FLNB: variants seen among roughly 807,000 people sequenced by gnomAD.
FLNB encodes filamin B.
FLNB carries 111 observed loss-of-function variants against 250.6 expected under a neutral mutation model. The ratio of observed to expected loss-of-function variants is 0.44; its 90% CI spans 0.38 to 0.52. The LOEUF is 0.52. Among genes scored for constraint, FLNB ranks in the 20% least tolerant of loss-of-function variants. The pLI, the probability that FLNB is intolerant of heterozygous loss-of-function variation, is 0.00. For synonymous variants in FLNB, 1,302 were observed against 1,372.1 expected, an observed-to-expected ratio of 0.95 and a Z score of 1.13; for missense variants, 2,869 against 3,447.8, an observed-to-expected ratio of 0.83 and a Z score of 4.20.
chr3:58,061,956 T>TG (rs955587765), intron 1 of FLNB, among the ~76,000 whole-genome samples: 5 of 151,470 alleles, frequency 3.3e-5, no homozygotes, highest in South Asian at 2.1e-4. Flanking sequence ...CTGGGCATGA[T>TG]GGGGGGCGCC....
chr3:58,079,767 C>T (rs1440186687), intron 3 of FLNB, among the ~76,000 whole-genome samples: 2 of 152,202 alleles, frequency 1.3e-5, no homozygotes, highest in Non-Finnish European at 2.9e-5. Flanking sequence ...CAGAAACTCC[C>T]TCTAACAGTT....
At chr3:58,150,316 C>A in intron 38 of FLNB, 89 bp downstream of exon 38, 2 of 1,462,976 alleles carry the variant, frequency 1.4e-6, no homozygotes, top group Non-Finnish European at 1.9e-6. Context: ...TAGGCATGGC[C>A]CAGAACACAG....
At chr3:58,109,443 G>C (rs1456771223) in intron 14 of FLNB, 121 bp downstream of exon 14, 3 of 1,591,624 alleles carry the variant, frequency 1.9e-6, no homozygotes, top group African/African-American at 2.7e-5. Context: ...GGTGGGCCTT[G>C]AATGATGGAG....
At chr3:58,081,881 G>A in intron 4 of FLNB, 105 bp downstream of exon 4, 2 of 1,283,646 alleles carry the variant, frequency 1.6e-6, no homozygotes, top group Non-Finnish European at 2.3e-6. Flanking sequence ...ATAGATAGGT[G>A]TAATCCTCAA....
At position 58,148,327 on chromosome 3, in the gene FLNB, G is replaced by A. The variant is rs1311562651; in HGVS notation, c.5850G>A (p.Glu1950=). Reference sequence around the variant, plus strand: ...TTAAGGCCCCATCTGGCCGAGACGAGCCCTGTCTCCTGAAGAGGCTGCCCA... The same window carrying A: ...TTAAGGCCCCATCTGGCCGAGACGAACCCTGTCTCCTGAAGAGGCTGCCCA... ...ASIKAPSGRD[E]PCLLKRLPNN... Residue 1950 remains glutamate, a synonymous_variant, in exon 35 of 46, where the codon GAG becomes GAA. Coordinates refer to ENST00000295956, the MANE Select transcript of FLNB (RefSeq NM_001457.4). 1.2e-6 allele frequency: 2 copies of A among 1,613,866 alleles called. No individual in the cohort carries two copies. Among genetic ancestry groups the A allele is most frequent in the Non-Finnish European group, 1.7e-6 (2 of 1,179,974 alleles).
In FLNB at chr3:58,094,920, T is replaced by C. The variant is rs757375169; in HGVS notation, c.872T>C (p.Val291Ala). ...TISAGQGDVM[V>A]FVEDPEGNKE... ...AGCGCCGGGCAAGGAGACGTGATGG[T>C]GTTTGTTGAGGACCCAGAAGGGAAC... is the stretch of plus-strand genomic sequence containing the variant. The change falls in exon 5 of 46, where the codon GTG becomes GCG. Residue 291 changes from valine (V) to alanine (A), a missense_variant. Coordinates refer to ENST00000295956, the MANE Select transcript of FLNB (RefSeq NM_001457.4). The C allele has an allele frequency of 9.9e-6, 16 of 1,614,010 alleles. 1 individual carries two copies. Among genetic ancestry groups the C allele is most frequent in the Middle Eastern group, 1.6e-4 (1 of 6,084 alleles).
chr3:58,023,846 A>G (rs2097118520), intron 1 of FLNB, among the ~76,000 whole-genome samples: 2 of 152,214 alleles, frequency 1.3e-5, no homozygotes, highest in South Asian at 4.1e-4. Context: ...TGGGACTGCC[A>G]GGGTCTCTTA....
intron 1 of FLNB, among the ~76,000 whole-genome samples, chr3:58,038,697 G>C (rs1291511000): frequency 2.0e-5 from 3 of 151,818 alleles, no homozygotes; most frequent in Non-Finnish European, 4.4e-5. Context: ...CAAAGCTCTG[G>C]GATTACAGGA....
At chr3:58,121,807 G>C (rs1291594543) in intron 20 of FLNB, among the ~76,000 whole-genome samples, 1 of 152,166 alleles carries the variant, frequency 6.6e-6, no homozygotes. Flanking sequence ...CAAACGTGGA[G>C]GCCTCTGCCC....
At chr3:58,044,007 C>G (rs568712934) in intron 1 of FLNB, among the ~76,000 whole-genome samples, 1 of 152,194 alleles carries the variant, frequency 6.6e-6, no homozygotes, top group South Asian at 2.1e-4. Context: ...GTAGAGGAGT[C>G]CTGCTATCAC....
chr3:58,129,336 G>A (rs977573428), intron 24 of FLNB, among the ~76,000 whole-genome samples: 3 of 152,156 alleles, frequency 2.0e-5, no homozygotes, highest in Non-Finnish European at 4.4e-5. Context: ...GGCGGATAAT[G>A]CTTGGGGTCT....
intron 1 of FLNB, among the ~76,000 whole-genome samples, chr3:58,010,907 TCC>T (rs749771688): frequency 1.1e-4 from 16 of 151,932 alleles, no homozygotes; most frequent in South Asian, 6.3e-4. Context: ...GATTCCCTGC[TCC>T]CCCTCCCCAC....
At chr3:58,129,298 CAT>C (rs1163954025) in intron 24 of FLNB, among the ~76,000 whole-genome samples, 3 of 152,146 alleles carry the variant, frequency 2.0e-5, no homozygotes, top group Middle Eastern at 3.2e-3. Flanking sequence ...GGAATGGTGA[CAT>C]GTGTCTGGGC....
chr3:58,153,225 G>A, intron 38 of FLNB, 150 bp from the exon 39 acceptor site: 1 of 904,512 alleles, frequency 1.1e-6, no homozygotes, highest in Admixed American at 1.8e-5. Flanking sequence ...AGAAGGGCAG[G>A]CACCCAGCCT....
At chr3:58,067,597 T>C (rs1386159674) in intron 1 of FLNB, among the ~76,000 whole-genome samples, 4 of 111,400 alleles carry the variant, frequency 3.6e-5, no homozygotes, top group African/African-American at 1.6e-4. Flanking sequence ...TTTTTTGTTT[T>C]TTTTTTGTTT....
chr3:58,108,210 G>A (rs941368618), intron 12 of FLNB, among the ~76,000 whole-genome samples: 5 of 152,192 alleles, frequency 3.3e-5, no homozygotes, highest in African/African-American at 4.8e-5. Context: ...ATCCTGGGCC[G>A]CATGCGGGCT....
intron 7 of FLNB, among the ~76,000 whole-genome samples, chr3:58,098,366 T>C (rs1009534050): frequency 1.3e-5 from 2 of 152,336 alleles, no homozygotes; most frequent in Non-Finnish European, 2.9e-5. Flanking sequence ...AGAATCACTC[T>C]ATTGCCCAGA....
In FLNB at chr3:58,008,523, C is replaced by A; in HGVS notation, c.-42C>A. ...GGCCCTTGGGCCTCCAAACACCAGT[C>A]CCCGGCAGCTCGTTGCGCATTGCGC... On this transcript the variant is annotated 5_prime_UTR_variant, in exon 1 of 46. Transcript: ENST00000295956. The A allele has an allele frequency of 6.4e-7, 1 of 1,554,948 alleles. No individual in the cohort carries two copies. The highest frequency in any genetic ancestry group is 8.7e-7 in the Non-Finnish European group (1 of 1,149,852).
intron 18 of FLNB, among the ~76,000 whole-genome samples, chr3:58,113,592 C>T (rs982302589): frequency 1.3e-5 from 2 of 152,156 alleles, no homozygotes; most frequent in Admixed American, 6.5e-5. Context: ...ATTCCCTGGG[C>T]GAAGGGATTC....
Sources: allele counts gnomAD v4.1 joint callset (sites outside exome capture counted in the v4.1 genomes callset), GRCh38; gene constraint gnomAD v4.1.1; transcripts MANE v1.5; gene names NCBI Gene and HGNC (gene_info 2026-07-23, HGNC 2026-07-21).